GRID1: variants seen among roughly 807,000 people sequenced by gnomAD.
GRID1 encodes glutamate ionotropic receptor delta type subunit 1.
GRID1 carries 28 observed loss-of-function variants against 98.0 expected under a neutral mutation model. The observed-to-expected ratio is 0.29, with a 90% CI of 0.21 to 0.39. GRID1 has a LOEUF of 0.39. GRID1 is among the 10% of genes least tolerant of loss of function. The pLI, the probability that GRID1 is intolerant of heterozygous loss-of-function variation, is 1.00. For synonymous variants in GRID1, 553 were observed against 538.5 expected (o/e 1.03, Z -0.37); for missense variants, 1,111 against 1,340.5 (o/e 0.83, Z 2.67).
intron 3 of GRID1, among the ~76,000 whole-genome samples, chr10:86,179,833 C>T (rs1445348199): frequency 1.3e-5 from 2 of 152,202 alleles, no homozygotes; most frequent in Non-Finnish European, 2.9e-5. Flanking sequence ...CCAGGGCATC[C>T]TCCAGAGGGT....
At chr10:86,303,009 T>C (rs1303048914) in intron 2 of GRID1, among the ~76,000 whole-genome samples, 2 of 152,356 alleles carry the variant, frequency 1.3e-5, no homozygotes, top group South Asian at 2.1e-4. Context: ...TTGTCCTGGA[T>C]TGAATCCCAG....
In GRID1 at chr10:86,206,471, G is replaced by C. The variant is rs992156183; in HGVS notation, c.413C>G (p.Ala138Gly). The C allele has an allele frequency of 4.3e-6, 7 of 1,614,224 alleles. No individual in the cohort carries two copies. Among genetic ancestry groups the C allele is most frequent in the Non-Finnish European group, 5.9e-6 (7 of 1,180,040 alleles). Reference sequence around the variant, plus strand: ...GGGTGGTCTCGAAGCCAGTGTGTAGGCCTCACCATCGGGGCTGGGGTTCAG... The same window carrying C: ...GGGTGGTCTCGAAGCCAGTGTGTAGCCCTCACCATCGGGGCTGGGGTTCAG... Reference protein sequence around the residue: ...CHLNPSPDGEAYTLASRPPVR... With the variant: ...CHLNPSPDGEGYTLASRPPVR... The change falls in exon 3 of 16, where the codon GCC becomes GGC. Residue 138 changes from alanine to glycine, a missense_variant. Around this residue, in one of 3 missense-constraint regions of GRID1, gnomAD observed 346 missense variants for 452.3 expected, o/e 0.76. Transcript: ENST00000327946. The surrounding 1 kb of genome is among the most constrained non-coding windows in gnomAD (Gnocchi z 4.1).
chr10:86,320,648 C>A (rs2081792), intron 2 of GRID1, among the ~76,000 whole-genome samples: 108,007 of 151,990 alleles, frequency 0.71, 40,915 homozygotes, highest in Non-Finnish European at 0.84. Flanking sequence ...TGCTATTGAA[C>A]TGTACACTTA....
chr10:86,064,270 T>C (rs1169962723), intron 4 of GRID1, among the ~76,000 whole-genome samples: 1 of 152,246 alleles, frequency 6.6e-6, no homozygotes, highest in African/African-American at 2.4e-5. Flanking sequence ...TTGCCCAAAG[T>C]GCACATGAGA....
At chr10:86,197,474 A>G (rs1220800927) in intron 3 of GRID1, among the ~76,000 whole-genome samples, 1 of 151,982 alleles carries the variant, frequency 6.6e-6, no homozygotes, top group African/African-American at 2.4e-5. Context: ...ACAACACAAC[A>G]TCTCCCTTGT....
At chr10:85,696,010 G>A (rs2132616551) in intron 12 of GRID1, among the ~76,000 whole-genome samples, 1 of 152,242 alleles carries the variant, frequency 6.6e-6, no homozygotes, top group Non-Finnish European at 1.5e-5. Context: ...ACTGAGCTAA[G>A]CTTTATCTTG....
chr10:86,133,340 G>A (rs1303896931), intron 4 of GRID1, among the ~76,000 whole-genome samples: 1 of 152,128 alleles, frequency 6.6e-6, no homozygotes, highest in African/African-American at 2.4e-5. Context: ...GTGTGTGTGT[G>A]CACAAATGCA....
At chr10:85,974,734 C>T (rs11594284) in intron 4 of GRID1, among the ~76,000 whole-genome samples, 19,537 of 152,160 alleles carry the variant, frequency 0.13, 1,371 homozygotes, top group Admixed American at 0.22. Context: ...ACATGTTGAA[C>T]GCTACCTAAT....
At chr10:86,302,292 G>A (rs950008144) in intron 2 of GRID1, among the ~76,000 whole-genome samples, 1 of 152,202 alleles carries the variant, frequency 6.6e-6, no homozygotes, top group Admixed American at 6.5e-5. Flanking sequence ...AGTAGTCCTC[G>A]CCCAGCAGAG....
chr10:85,820,232 T>A (rs185366152), intron 8 of GRID1, among the ~76,000 whole-genome samples: 15 of 151,754 alleles, frequency 9.9e-5, no homozygotes, highest in Middle Eastern at 3.4e-3. Flanking sequence ...AAATACCTGA[T>A]AAATACTCTT....
chr10:85,791,239 C>A (rs900019222), intron 8 of GRID1, among the ~76,000 whole-genome samples: 7 of 152,198 alleles, frequency 4.6e-5, no homozygotes, highest in Admixed American at 2.6e-4. Flanking sequence ...AAGGCAGAAA[C>A]TGTGTTGTGG....
intron 7 of GRID1, 148 bp downstream of exon 7, chr10:85,855,881 A>G: frequency 1.5e-6 from 1 of 676,678 alleles, no homozygotes; most frequent in Admixed American, 2.4e-5. Flanking sequence ...CTGGGACAGG[A>G]AGAGTGACAA....
intron 5 of GRID1, among the ~76,000 whole-genome samples, chr10:85,883,921 A>G (rs1048979261): frequency 6.6e-6 from 1 of 152,088 alleles, no homozygotes; most frequent in Non-Finnish European, 1.5e-5. Context: ...TAATCCTTAC[A>G]CTGAAGATAG....
chr10:86,030,214 G>A (rs1218690062), intron 4 of GRID1, among the ~76,000 whole-genome samples: 1 of 152,168 alleles, frequency 6.6e-6, no homozygotes, highest in East Asian at 1.9e-4. Context: ...ATATAAGAAA[G>A]GATCTTGTAT....
At chr10:85,656,006 G>T (rs11201721) in intron 12 of GRID1, among the ~76,000 whole-genome samples, 1 of 151,202 alleles carries the variant, frequency 6.6e-6, no homozygotes, top group African/African-American at 2.4e-5. Flanking sequence ...AAAAAGTCCT[G>T]TGAGATGACA....
chr10:86,348,163 G>A (rs1205635140), intron 2 of GRID1, among the ~76,000 whole-genome samples: 2 of 152,204 alleles, frequency 1.3e-5, no homozygotes, highest in African/African-American at 4.8e-5. Flanking sequence ...ACTTGTCAGA[G>A]GTCCAGTCAG....
At chr10:85,952,939 G>A (rs1842143871) in intron 4 of GRID1, among the ~76,000 whole-genome samples, 1 of 151,986 alleles carries the variant, frequency 6.6e-6, no homozygotes, top group African/African-American at 2.4e-5. Flanking sequence ...CATTTATGAT[G>A]ATTATTTCCA....
At chr10:86,197,264 A>T (rs959053535) in intron 3 of GRID1, among the ~76,000 whole-genome samples, 4 of 152,122 alleles carry the variant, frequency 2.6e-5, no homozygotes, top group Non-Finnish European at 5.9e-5. Context: ...GTGCAGGAAG[A>T]GTGTCCCAGG....
At chr10:85,972,426 A>G (rs1399547173) in intron 4 of GRID1, among the ~76,000 whole-genome samples, 1 of 148,540 alleles carries the variant, frequency 6.7e-6, no homozygotes, top group Non-Finnish European at 1.5e-5. Flanking sequence ...TTAGTCATGT[A>G]TATATTTATA....
Sources: gnomAD v4.1 joint callset for allele counts (sites outside exome capture counted in the v4.1 genomes callset) on GRCh38, gnomAD v4.1.1 for gene constraint, gnomAD v4.1.1 regional missense constraint, Gnocchi (gnomAD v3.1) non-coding constraint, MANE v1.5 for transcripts, NCBI Gene and HGNC (gene_info 2026-07-23, HGNC 2026-07-21) for gene names.